UMODL1: variants seen among roughly 807,000 people sequenced by gnomAD.
UMODL1 encodes the protein uromodulin-like 1.
In UMODL1, 128 loss-of-function variants were observed where a neutral mutation model predicts 136.3. That is an observed-to-expected ratio of 0.94 (90% CI 0.81 to 1.09). The LOEUF (loss-of-function observed/expected upper bound fraction) is 1.09. Among genes scored for constraint, UMODL1 ranks in the 50% least tolerant of loss-of-function variants. The pLI is 0.00. For missense variants in UMODL1, 1,766 were observed against 1,725.6 expected, an observed-to-expected ratio of 1.02 and a Z score of -0.41; for synonymous variants, 721 against 720.0, an observed-to-expected ratio of 1.00 and a Z score of -0.02.
chr21:42,101,566 G>C lies in UMODL1; in HGVS notation c.1187-600G>C, dbSNP rs550280096. 1.2e-4 allele frequency: 45 copies of C among 376,338 alleles called. 2 individuals are homozygous for C. Among genetic ancestry groups the C allele is most frequent in the South Asian group, 8.4e-4 (42 of 50,200 alleles). The allele number at this position is 376,338 out of a possible 1,614,324, so 23.3% of individuals were successfully genotyped here. On this transcript the variant is annotated intron_variant, in intron 7 of 22. Coordinates refer to ENST00000408910, the MANE Select transcript of UMODL1 (RefSeq NM_001004416.3). ...TGCTCCTGTGCCCGCCGACGCTTGG[G>C]TTGTGCATGCTGGGTTTCCTTTCAG...
At chr21:42,128,862 G>A (rs949242387) in intron 20 of UMODL1, among the ~76,000 whole-genome samples, 3 of 152,294 alleles carry the variant, frequency 2.0e-5, no homozygotes, top group East Asian at 1.9e-4. Context: ...TGAGCTTTCC[G>A]GGCTGCTGTA....
chr21:42,131,753 C>T (rs1016006070), intron 21 of UMODL1, among the ~76,000 whole-genome samples: 1 of 149,434 alleles, frequency 6.7e-6, no homozygotes, highest in African/African-American at 2.4e-5. Flanking sequence ...CCCAGGCCTA[C>T]ACACAGAATC....
intron 21 of UMODL1, among the ~76,000 whole-genome samples, chr21:42,134,223 G>A (rs12626211): frequency 0.63 from 96,499 of 152,038 alleles, 31,406 homozygotes; most frequent in Non-Finnish European, 0.72. Context: ...GGGGTTCACA[G>A]TTCAACACAT....
In UMODL1 at chr21:42,123,267, A is replaced by T. The variant is rs1206567840; in HGVS notation, c.3147+117A>T. On this transcript the variant is annotated intron_variant, in intron 17 of 22. Transcript: ENST00000408910. This position sits in a 1 kb window ranked among gnomAD's most constrained non-coding sequence, Gnocchi z 4.4. Reference sequence around the variant, plus strand: ...TCTGCACCCCGAGGGGAACCCAGCAAGGGGGGTTCAGGACAGGGTTGAGTT... The same window carrying T: ...TCTGCACCCCGAGGGGAACCCAGCATGGGGGGTTCAGGACAGGGTTGAGTT... The T allele has an allele frequency of 5.8e-6, 7 of 1,202,652 alleles. No individual in the cohort carries two copies. Among genetic ancestry groups the T allele is most frequent in the African/African-American group, 1.5e-5 (1 of 65,432 alleles). The allele number at this position is 1,202,652 out of a possible 1,614,324, so 74.5% of individuals were successfully genotyped here.
intron 2 of UMODL1, 42 bp from the exon 3 acceptor site, chr21:42,084,042 T>A (rs765864264): frequency 6.2e-7 from 1 of 1,600,346 alleles, no homozygotes; most frequent in South Asian, 1.1e-5. Context: ...ATCAGGTTTG[T>A]CTTTTATCGC....
intron 6 of UMODL1, among the ~76,000 whole-genome samples, chr21:42,095,131 G>A (rs1220146224): frequency 8.7e-6 from 1 of 114,424 alleles, no homozygotes; most frequent in Non-Finnish European, 1.7e-5. Flanking sequence ...GTCTTGCTCT[G>A]TCACTCAGGC....
In UMODL1 at chr21:42,109,572, G is replaced by T; in HGVS notation, c.1530G>T (p.Glu510Asp). The T allele has an allele frequency of 6.2e-7, 1 of 1,611,532 alleles. No homozygotes were observed. Among genetic ancestry groups the T allele is most frequent in the Non-Finnish European group, 8.5e-7 (1 of 1,180,020 alleles). The change falls in exon 10 of 23, where the codon GAG becomes GAT. Residue 510 changes from glutamate to aspartate, a missense_variant. Transcript: ENST00000408910. ...RQGTRVQDWD[E>D]CVDSAEHDCS... ...GTCTCCCCCTGGCAGACTGGGACGA[G>T]TGTGTGGACAGCGCGGAACACGACT...
intron 9 of UMODL1, chr21:42,108,473 G>GA: frequency 8.8e-6 from 4 of 452,550 alleles, no homozygotes; most frequent in South Asian, 4.8e-5. Context: ...AAGCACAACA[G>GA]AAAAAAACCC....
intron 15 of UMODL1, 127 bp downstream of exon 15, chr21:42,119,451 G>A (rs2066942377): frequency 1.2e-6 from 1 of 802,362 alleles, no homozygotes. Flanking sequence ...CCCAGAATTA[G>A]ATGAAGATGT....
In UMODL1 at chr21:42,087,968, A is replaced by G. The variant is rs149511409; in HGVS notation, c.604-326A>G. 8.2e-4 allele frequency among the ~76,000 whole-genome samples: 125 copies of G among 152,236 alleles called. 1 individual carries two copies. Among genetic ancestry groups the G allele is most frequent in the African/African-American group, 2.8e-3 (117 of 41,526 alleles). ...AGGGCACCAGCCATATTGGATTAGA[A>G]CCCACCTTCACTAATTATATCTGCA... is the stretch of plus-strand genomic sequence containing the variant. On this transcript the variant is annotated intron_variant, in intron 4 of 22. Coordinates refer to ENST00000408910, the MANE Select transcript of UMODL1 (RefSeq NM_001004416.3).
In UMODL1 at chr21:42,126,487, G is replaced by T. The variant is rs761259689; in HGVS notation, c.3290G>T (p.Trp1097Leu). 1.2e-6 allele frequency: 2 copies of T among 1,614,226 alleles called. No homozygotes were observed. Among genetic ancestry groups the T allele is most frequent in the Middle Eastern group, 3.3e-4 (2 of 6,062 alleles). Residue 1097 changes from tryptophan to leucine, a missense_variant, in exon 18 of 23, where the codon TGG (tryptophan) becomes TTG (leucine). Transcript: ENST00000408910. ...ACATCCTCCGGCTTCACCCTGGAGT[G>T]GGGGTAAGGGAGAAATGCCCCGGCT... Reference protein sequence around the residue: ...LLTSSGFTLEWGVYTIIEDLH... With the variant: ...LLTSSGFTLELGVYTIIEDLH...
At chr21:42,096,065 C>A (rs1244696467) in intron 6 of UMODL1, among the ~76,000 whole-genome samples, 1 of 152,074 alleles carries the variant, frequency 6.6e-6, no homozygotes, top group Non-Finnish European at 1.5e-5. Context: ...ATTGTTCCCT[C>A]AGTGTTTATG....
intron 15 of UMODL1, 114 bp from the exon 16 acceptor site, chr21:42,120,973 T>C (rs2012045765): frequency 1.5e-6 from 2 of 1,351,734 alleles, no homozygotes; most frequent in Admixed American, 4.6e-5. Flanking sequence ...TGCAGTCTGC[T>C]GTGGCTGGAG....
chr21:42,113,485 A>G, intron 12 of UMODL1, 88 bp from the exon 13 acceptor site: 1 of 1,500,564 alleles, frequency 6.7e-7, no homozygotes, highest in East Asian at 2.3e-5. Flanking sequence ...CCCCATGGTG[A>G]TGAATTTGAT....
intron 13 of UMODL1, among the ~76,000 whole-genome samples, 164 bp downstream of exon 13, chr21:42,113,994 G>T (rs1008513241): frequency 6.6e-6 from 1 of 152,252 alleles, no homozygotes; most frequent in Non-Finnish European, 1.5e-5. Context: ...TGCAATGACG[G>T]CCAGACAGGA....
At chr21:42,064,799 G>A (rs1273012132) in intron 1 of UMODL1, among the ~76,000 whole-genome samples, 2 of 152,138 alleles carry the variant, frequency 1.3e-5, no homozygotes, top group African/African-American at 4.8e-5. Context: ...CAGGTGATCT[G>A]CCCGCCTCAG....
At chr21:42,127,299 A>T (rs1601271998) in intron 19 of UMODL1, 57 bp downstream of exon 19, 1 of 1,478,568 alleles carries the variant, frequency 6.8e-7, no homozygotes, top group East Asian at 2.3e-5. Flanking sequence ...TTTATTAACA[A>T]TAGGTAGGGC....
Position 42,121,087 on chromosome 21 carries a change from A to G in UMODL1, c.2690A>G (p.Asp897Gly). 1 of 1,612,812 alleles carries G rather than the reference A, an allele frequency of 6.2e-7. No individual in the cohort carries two copies. Among genetic ancestry groups the G allele is most frequent in the Non-Finnish European group, 8.5e-7 (1 of 1,179,434 alleles). The stretch of plus-strand genomic sequence containing the variant: ...GTTTTGTCTTCTAAATGTTGTGCAG[A>G]TTACGATGAGTGTGAAAGGAAGGAG... ...EVIRGDTFIQ[D>G]YDECERKEDD... Residue 897 changes from aspartate to glycine, a missense_variant and splice_region_variant, in exon 16 of 23, where the codon GAT becomes GGT. Transcript: ENST00000408910.
chr21:42,126,577 A>G, intron 18 of UMODL1, 87 bp downstream of exon 18: 1 of 1,580,626 alleles, frequency 6.3e-7, no homozygotes, highest in Non-Finnish European at 8.6e-7. Context: ...TCAACCACTT[A>G]AGGACCCTTC....
Sources: allele counts gnomAD v4.1 joint callset (sites outside exome capture counted in the v4.1 genomes callset), GRCh38; gene constraint gnomAD v4.1.1; non-coding constraint Gnocchi (gnomAD v3.1); transcripts MANE v1.5; gene names NCBI Gene and HGNC (gene_info 2026-07-23, HGNC 2026-07-21).